LIN54: variants seen among roughly 807,000 people sequenced by gnomAD.
LIN54 encodes the protein lin-54 DREAM MuvB core complex component.
A neutral mutation model predicts 78.7 loss-of-function variants in LIN54; 9 were observed. The observed-to-expected ratio is 0.11, with a 90% CI of 0.07 to 0.20. The LOEUF (loss-of-function observed/expected upper bound fraction) is 0.20. Ranked by LOEUF, LIN54 falls within the 10% of genes least tolerant of loss-of-function variation. LIN54 has a pLI of 1.00. For missense variants in LIN54, 573 were observed against 889.9 expected (o/e 0.64, Z 4.53); for synonymous variants, 269 against 318.4 (o/e 0.84, Z 1.65).
In LIN54 at chr4:82,941,554, T is replaced by G. The variant is rs144993776; in HGVS notation, c.1169-1592A>C. Reference sequence around the variant, plus strand: ...AAATTATATTGAAATAAAAGAAAAATTAATTGTATTTGGCAGCAGTGCATA... The same window carrying G: ...AAATTATATTGAAATAAAAGAAAAAGTAATTGTATTTGGCAGCAGTGCATA... On this transcript the variant is annotated intron_variant, in intron 5 of 12. Coordinates refer to ENST00000340417, the MANE Select transcript of LIN54 (RefSeq NM_194282.4). 3.4e-4 allele frequency among the ~76,000 whole-genome samples: 51 copies of G among 152,090 alleles called. 1 individual carries two copies. In the East Asian group the frequency reaches 7.7e-3, roughly 23 times the overall value.
chr4:82,986,414 G>A (rs367899995), intron 1 of LIN54, among the ~76,000 whole-genome samples: 21 of 152,132 alleles, frequency 1.4e-4, no homozygotes, highest in Admixed American at 9.2e-4. Context: ...ACCATGCCCG[G>A]CCCCCTTTTT....
At chr4:82,963,858 A>G (rs1410209308) in intron 4 of LIN54, among the ~76,000 whole-genome samples, 2 of 152,194 alleles carry the variant, frequency 1.3e-5, no homozygotes, top group East Asian at 1.9e-4. Context: ...CAACAATTAC[A>G]TTAAATATAA....
At chr4:82,979,140 GT>G (rs1726412884) in intron 2 of LIN54, 134 bp from the exon 3 acceptor site, 1 of 512,424 alleles carries the variant, frequency 2.0e-6, no homozygotes, top group Admixed American at 3.3e-5. Context: ...GTGTGTTAAT[GT>G]TAAGAACATT....
At chr4:82,938,623 A>C in intron 7 of LIN54, 119 bp from the exon 8 acceptor site, 1 of 628,520 alleles carries the variant, frequency 1.6e-6, no homozygotes. Context: ...ACAATGGAGA[A>C]TATCACACAA....
intron 4 of LIN54, among the ~76,000 whole-genome samples, chr4:82,954,023 T>C (rs1265966176): frequency 6.6e-6 from 1 of 152,156 alleles, no homozygotes; most frequent in East Asian, 1.9e-4. Flanking sequence ...AACTATCTGT[T>C]CCTGTACTTA....
At chr4:82,945,466 A>G (rs1485114120) in intron 5 of LIN54, among the ~76,000 whole-genome samples, 2 of 152,200 alleles carry the variant, frequency 1.3e-5, no homozygotes, top group Non-Finnish European at 2.9e-5. Flanking sequence ...CCTTTAGGGA[A>G]AATACAACTA....
At chr4:82,965,956 C>G (rs777081883) in intron 4 of LIN54, among the ~76,000 whole-genome samples, 1 of 152,180 alleles carries the variant, frequency 6.6e-6, no homozygotes, top group Non-Finnish European at 1.5e-5. Context: ...ATTGACTTTT[C>G]TATGACATTT....
chr4:82,955,498 A>C (rs1724234115), intron 4 of LIN54, among the ~76,000 whole-genome samples: 1 of 152,256 alleles, frequency 6.6e-6, no homozygotes, highest in South Asian at 2.1e-4. Context: ...AAAGGAGATC[A>C]TAAAACTAAG....
Position 83,010,639 on chromosome 4 carries a change from A to T in LIN54, c.-188T>A, listed in dbSNP as rs1406212742. On this transcript the variant is annotated 5_prime_UTR_variant, in exon 1 of 13. Coordinates refer to ENST00000340417, the MANE Select transcript of LIN54 (RefSeq NM_194282.4). ...CAGTTTGTCCAAACTGGAGCGCTCCAGGGTACCCGGGGACCGAGAAGGGAG... is the reference window on the plus strand; with the variant it reads ...CAGTTTGTCCAAACTGGAGCGCTCCTGGGTACCCGGGGACCGAGAAGGGAG... 8.1e-7 allele frequency: 1 copy of T among 1,230,160 alleles called. No homozygotes were observed. Among genetic ancestry groups the T allele is most frequent in the East Asian group, 3.2e-5 (1 of 31,474 alleles). 76.2% of individuals were successfully genotyped at this position (1,230,160 alleles called of 1,614,324 possible).
Position 83,001,943 on chromosome 4 carries a change from G to A in LIN54, c.-33+8541C>T, listed in dbSNP as rs1181373877. 2.6e-3 allele frequency among the ~76,000 whole-genome samples: 12 copies of A among 4,578 alleles called. 2 individuals are homozygous for A. Among genetic ancestry groups the A allele is most frequent in the Admixed American group, 4.9e-3 (1 of 204 alleles). The allele number at this position is 4,578 out of a possible 152,430, so 3.0% of individuals were successfully genotyped here. A position where few individuals can be genotyped will look rare whatever the true frequency, so the allele number is the denominator to read the frequency against. ...GGAGGGAGGGAGGGAAGGAAGGAAG[G>A]AAGGAAGGAAGGAAGGAAGGAAGGA... On this transcript the variant is annotated intron_variant, in intron 1 of 12. Coordinates refer to ENST00000340417, the MANE Select transcript of LIN54 (RefSeq NM_194282.4).
intron 3 of LIN54, among the ~76,000 whole-genome samples, chr4:82,975,941 A>T (rs1726129726): frequency 6.6e-6 from 1 of 152,228 alleles, no homozygotes; most frequent in African/African-American, 2.4e-5. Context: ...AGAGTATCTG[A>T]TTAAACCTAG....
At chr4:82,945,097 G>A (rs1203183976) in intron 5 of LIN54, among the ~76,000 whole-genome samples, 5 of 152,122 alleles carry the variant, frequency 3.3e-5, no homozygotes, top group African/African-American at 1.2e-4. Flanking sequence ...CCTGACCTCA[G>A]ATGATCCTTG....
At chr4:82,990,270 C>G (rs1348279446) in intron 1 of LIN54, among the ~76,000 whole-genome samples, 2 of 152,186 alleles carry the variant, frequency 1.3e-5, no homozygotes, top group East Asian at 1.9e-4. Context: ...GCCTAGTAAT[C>G]TTCCATGGAT....
In LIN54 at chr4:82,989,331, C is replaced by T. The variant is rs1192833233; in HGVS notation, c.-32-4455G>A. ...CCAAAGTACTAGCACTTCTTTATGT[C>T]GCTCTTCCTGATCAAAGAATCCCCT... is the stretch of plus-strand genomic sequence containing the variant. On this transcript the variant is annotated intron_variant, in intron 1 of 12. Coordinates refer to ENST00000340417, the MANE Select transcript of LIN54 (RefSeq NM_194282.4). 3.3e-5 allele frequency among the ~76,000 whole-genome samples: 5 copies of T among 152,132 alleles called. No homozygotes were observed. In the East Asian group the frequency reaches 5.8e-4, roughly 18 times the overall value.
rs1484722069 is a variant in LIN54 at position 82,996,050 on chromosome 4, C to G, written c.-32-11174G>C. ...ATCCCAGCTACTCGGGAGGCTGAGG[C>G]AGGAGAATTGCTTGAACCCGGGAGG... On this transcript the variant is annotated intron_variant, in intron 1 of 12. Coordinates refer to ENST00000340417, the MANE Select transcript of LIN54 (RefSeq NM_194282.4). Among the ~76,000 whole-genome samples the G allele has an allele frequency of 4.0e-5, 6 of 151,702 alleles. 1 individual carries two copies. The highest frequency in any genetic ancestry group is 8.8e-5 in the Non-Finnish European group (6 of 67,880).
chr4:82,996,254 AT>A (rs1484008768), intron 1 of LIN54, among the ~76,000 whole-genome samples: 2 of 152,064 alleles, frequency 1.3e-5, no homozygotes, highest in Non-Finnish European at 2.9e-5. Flanking sequence ...CATCGTCACT[AT>A]GTTGAAGGCC....
intron 9 of LIN54, 96 bp from the exon 10 acceptor site, chr4:82,936,477 A>G (rs1222795045): frequency 1.6e-6 from 1 of 606,422 alleles, no homozygotes; most frequent in East Asian, 2.8e-5. Context: ...TACACATACT[A>G]CATATGTGGT....
At chr4:82,978,395 T>C (rs1187872155) in intron 3 of LIN54, among the ~76,000 whole-genome samples, 1 of 152,218 alleles carries the variant, frequency 6.6e-6, no homozygotes, top group East Asian at 1.9e-4. Context: ...TGAAATACTA[T>C]ACTCTTGTGA....
chr4:82,946,394 A>G lies in LIN54; in HGVS notation c.1032T>C (p.Thr344=), dbSNP rs1419642795. ...CTTGAATCTGCTGGACATTGGGAGCAGTTGCCAGAGGAATAATTGTCTTAA... is the reference window on the plus strand; with the variant it reads ...CTTGAATCTGCTGGACATTGGGAGCGGTTGCCAGAGGAATAATTGTCTTAA... ...SQFKTIIPLA[T]APNVQQIQVP... is the part of the protein sequence containing the mutation. Residue 344 remains threonine, a synonymous_variant, in exon 5 of 13, where the codon ACT becomes ACC. Coordinates refer to ENST00000340417, the MANE Select transcript of LIN54 (RefSeq NM_194282.4). 1.9e-6 allele frequency: 3 copies of G among 1,614,168 alleles called. No individual in the cohort carries two copies. In the East Asian group the frequency reaches 6.7e-5, roughly 36 times the overall value.
Sources: gnomAD v4.1 joint callset for allele counts (sites outside exome capture counted in the v4.1 genomes callset) on GRCh38, gnomAD v4.1.1 for gene constraint, MANE v1.5 for transcripts, NCBI Gene and HGNC (gene_info 2026-07-23, HGNC 2026-07-21) for gene names.